Variants in SNRNP200 observed in about 807,000 individuals in gnomAD.
The protein encoded by SNRNP200 is small nuclear ribonucleoprotein U5 subunit 200, also known as U5 small nuclear ribonucleoprotein 200 kDa helicase.
Under a neutral mutation model 255.2 loss-of-function variants are expected in SNRNP200, and 66 were observed. That is an observed-to-expected ratio of 0.26 (90% CI 0.21 to 0.32). The LOEUF is 0.32. SNRNP200 is among the 10% of genes least tolerant of loss of function. The pLI is 1.00. For missense variants in SNRNP200, 1,585 were observed against 2,749.8 expected (o/e 0.58, Z 9.47); for synonymous variants, 939 against 1,027.8 (o/e 0.91, Z 1.65).
In SNRNP200 at chr2:96,287,246, G is replaced by A. The variant is rs2063849845; in HGVS notation, c.3485-86C>T. ...GCCTGAGGGCCACTGTGGGAAAGGG[G>A]TAGGGTCTTCCCTTTATGGTCAGTG... On this transcript the variant is annotated intron_variant, in intron 26 of 44. Coordinates refer to ENST00000323853, the MANE Select transcript of SNRNP200 (RefSeq NM_014014.5). This position sits in a 1 kb window ranked among gnomAD's most constrained non-coding sequence, Gnocchi z 5.7. The A allele has an allele frequency of 6.6e-6, 10 of 1,524,874 alleles. No homozygotes were observed. Among genetic ancestry groups the A allele is most frequent in the Non-Finnish European group, 8.2e-6 (9 of 1,099,808 alleles). The allele number at this position is 1,524,874 out of a possible 1,614,324, so 94.5% of individuals were successfully genotyped here.
At chr2:96,281,465 G>A (rs966007004) in intron 35 of SNRNP200, 23 of 338,228 alleles carry the variant, frequency 6.8e-5, no homozygotes, top group African/African-American at 2.1e-4. Context: ...CACTGCGCTC[G>A]GCACTCCTCT....
chr2:96,275,126 A>C lies in SNRNP200; in HGVS notation c.6297T>G (p.Thr2099=). 1 of 1,614,260 alleles carries C rather than the reference A, an allele frequency of 6.2e-7. No homozygotes were observed. Among genetic ancestry groups the C allele is most frequent in the Non-Finnish European group, 8.5e-7 (1 of 1,180,038 alleles). ...AGTACAGAGTGTAGTTGTGGGCACC[A>C]GTGGCTGGGGCCACAAAGTCCAACT... ...KVKLDFVAPA[T]GAHNYTLYFM... Residue 2099 remains threonine (T), a synonymous_variant, in exon 45 of 45, where the codon ACT becomes ACG. Coordinates refer to ENST00000323853, the MANE Select transcript of SNRNP200 (RefSeq NM_014014.5).
At chr2:96,304,683 A>G (rs200140777) in intron 2 of SNRNP200, 22 bp downstream of exon 2, 2 of 1,613,962 alleles carry the variant, frequency 1.2e-6, no homozygotes, top group African/African-American at 1.3e-5. Context: ...GAAGGAAAAA[A>G]TAGTATCCCC....
rs1255645057 is a variant in SNRNP200 at position 96,276,898 on chromosome 2, A to G, written c.6174+6T>C. 1 of 1,614,072 alleles carries G rather than the reference A, an allele frequency of 6.2e-7. No homozygotes were observed. The highest frequency in any genetic ancestry group is 8.5e-7 in the Non-Finnish European group (1 of 1,179,972). On this transcript the variant is annotated splice_donor_region_variant and intron_variant, in intron 43 of 44. Coordinates refer to ENST00000323853, the MANE Select transcript of SNRNP200 (RefSeq NM_014014.5). ...ACACCTGACCAAGCCAGCTACCAGG[A>G]CGCACCTGCGGGAAGAGAGGCGCAA... is the stretch of plus-strand genomic sequence containing the variant.
chr2:96,300,305 G>A (rs1304676299), intron 5 of SNRNP200, among the ~76,000 whole-genome samples: 1 of 152,114 alleles, frequency 6.6e-6, no homozygotes, highest in African/African-American at 2.4e-5. Context: ...GTGCTCTAGG[G>A]CAAATGTGCA....
chr2:96,285,002 G>A (rs982085353), intron 30 of SNRNP200, 178 bp downstream of exon 30: 9 of 736,386 alleles, frequency 1.2e-5, no homozygotes, highest in Admixed American at 2.0e-5. Flanking sequence ...TGCCCGCCTC[G>A]GCCTCCCAAA....
chr2:96,290,310 A>C lies in SNRNP200; in HGVS notation c.2742+16T>G, dbSNP rs778189245. The C allele has an allele frequency of 6.2e-7, 1 of 1,613,190 alleles. No homozygotes were observed. On this transcript the variant is annotated intron_variant, in intron 20 of 44. Transcript: ENST00000323853. The surrounding 1 kb of genome is among the most constrained non-coding windows in gnomAD (Gnocchi z 4.5). ...TGCGGGGAAAGCATGAAGCACAACAAGCAGTCCTCCCCTACCTTGGCATTC... is the reference window on the plus strand; with the variant it reads ...TGCGGGGAAAGCATGAAGCACAACACGCAGTCCTCCCCTACCTTGGCATTC...
At chr2:96,275,932 G>A (rs1013466281) in intron 43 of SNRNP200, among the ~76,000 whole-genome samples, 6 of 152,226 alleles carry the variant, frequency 3.9e-5, no homozygotes, top group African/African-American at 9.6e-5. Context: ...CGTGATTCCG[G>A]GAGGCGGAGC....
chr2:96,285,066 A>C (rs2063836003), intron 30 of SNRNP200, 114 bp downstream of exon 30: 1 of 1,307,140 alleles, frequency 7.7e-7, no homozygotes, highest in Non-Finnish European at 1.1e-6. Context: ...GCTTTTCTTT[A>C]ATACACAAAC....
intron 3 of SNRNP200, 127 bp downstream of exon 3, chr2:96,303,032 C>T (rs1350787340): frequency 7.9e-6 from 8 of 1,015,244 alleles, no homozygotes; most frequent in Admixed American, 5.2e-5. Context: ...TAAGTGCTGC[C>T]AGCCATCAGT....
At chr2:96,282,690 C>G (rs1206042679) in intron 34 of SNRNP200, 3 of 254,698 alleles carry the variant, frequency 1.2e-5, no homozygotes, top group East Asian at 9.9e-5. Context: ...TAGCACCTCC[C>G]CACTCACTCT....
chr2:96,290,075 A>G lies in SNRNP200; in HGVS notation c.2743-79T>C. 7.3e-7 allele frequency: 1 copy of G among 1,364,624 alleles called. No homozygotes were observed. Among genetic ancestry groups the G allele is most frequent in the Non-Finnish European group, 1.0e-6 (1 of 954,274 alleles). The allele number at this position is 1,364,624 out of a possible 1,614,324, so 84.5% of individuals were successfully genotyped here. On this transcript the variant is annotated intron_variant, in intron 20 of 44. Transcript: ENST00000323853. The surrounding 1 kb of genome is among the most constrained non-coding windows in gnomAD (Gnocchi z 4.5). ...GACAGGCTCCCATGAATTGCTTAGA[A>G]ATTAATTCCCAACTACAAGGATGCA...
rs1296246307 is a variant in SNRNP200 at position 96,290,175 on chromosome 2, C to G, written c.2742+151G>C. 58 of 1,059,442 alleles carry G rather than the reference C, an allele frequency of 5.5e-5. No individual in the cohort carries two copies. In the East Asian group the frequency reaches 1.3e-3, roughly 24 times the overall value. The allele number at this position is 1,059,442 out of a possible 1,614,324, so 65.6% of individuals were successfully genotyped here. ...TAAGCGTCTTCTAAGATCTTGGTAA[C>G]AAGGGGAACTATCTGCCAGACCCAA... is the stretch of plus-strand genomic sequence containing the variant. On this transcript the variant is annotated intron_variant, in intron 20 of 44. Coordinates refer to ENST00000323853, the MANE Select transcript of SNRNP200 (RefSeq NM_014014.5). The surrounding 1 kb of genome is among the most constrained non-coding windows in gnomAD (Gnocchi z 4.5).
chr2:96,297,241 T>C, intron 11 of SNRNP200, 122 bp downstream of exon 11: 1 of 1,511,224 alleles, frequency 6.6e-7, no homozygotes. Flanking sequence ...ATGGGAAAAT[T>C]CTGTTGCAGC....
At chr2:96,279,843 G>A (rs1218873945) in intron 35 of SNRNP200, 3 of 378,446 alleles carry the variant, frequency 7.9e-6, no homozygotes, top group South Asian at 2.5e-5. Context: ...CTCCCTATTC[G>A]AGGATCAAAT....
intron 23 of SNRNP200, 90 bp from the exon 24 acceptor site, chr2:96,288,836 G>C (rs779627797): frequency 5.1e-6 from 6 of 1,177,164 alleles, no homozygotes; most frequent in Non-Finnish European, 6.4e-6. Flanking sequence ...ATCCAGGCCA[G>C]GTGAGATTTG....
In SNRNP200 at chr2:96,288,013, C is replaced by T. The variant is rs368469453; in HGVS notation, c.3259-44G>A. On this transcript the variant is annotated intron_variant, in intron 24 of 44. Transcript: ENST00000323853. ...TTCCCACTGTTAAGTCTCGACTATC[C>T]CCAGGCCTCATGAGCCACTCTACAC... The T allele has an allele frequency of 4.5e-6, 7 of 1,571,704 alleles. No homozygotes were observed. The African/African-American group carries it at 8.1e-5, about 18-fold the overall frequency.
rs199724054 is a variant in SNRNP200, at chr2:96,289,130, G to A, written c.3094-13C>T. Reference sequence around the variant, plus strand: ...CCAGCTTCTCCTCCTGCCACAAGGAGGAAAAGGTCAAGGGAAAGCCTTGTG... The same window carrying A: ...CCAGCTTCTCCTCCTGCCACAAGGAAGAAAAGGTCAAGGGAAAGCCTTGTG... On this transcript the variant is annotated splice_polypyrimidine_tract_variant and intron_variant, in intron 22 of 44. Transcript: ENST00000323853. The A allele has an allele frequency of 1.9e-6, 3 of 1,613,932 alleles. No homozygotes were observed. The highest frequency in any genetic ancestry group is 2.2e-5 in the East Asian group (1 of 44,892).
At chr2:96,294,433 C>G (rs1048578900) in intron 14 of SNRNP200, among the ~76,000 whole-genome samples, 1 of 151,240 alleles carries the variant, frequency 6.6e-6, no homozygotes, top group East Asian at 1.9e-4. Flanking sequence ...AGTGAAACTC[C>G]GTCTAAAAAA....
Sources: allele counts gnomAD v4.1 joint callset (sites outside exome capture counted in the v4.1 genomes callset), GRCh38; gene constraint gnomAD v4.1.1; non-coding constraint Gnocchi (gnomAD v3.1); transcripts MANE v1.5; gene names NCBI Gene and HGNC (gene_info 2026-07-23, HGNC 2026-07-21).